Variants in NOTCH2 observed in about 807,000 individuals in gnomAD.
NOTCH2 encodes the protein neurogenic locus notch homolog protein 2.
Under a neutral mutation model 235.8 loss-of-function variants are expected in NOTCH2, and 29 were observed. That is an observed-to-expected ratio of 0.12 (90% confidence interval 0.09 to 0.17). NOTCH2 has a LOEUF of 0.17. NOTCH2 is among the 10% of genes least tolerant of loss of function. The pLI is 1.00. For synonymous variants in NOTCH2, 1,086 were observed against 1,141.5 expected (o/e 0.95, Z 0.98); for missense variants, 2,285 against 3,150.2 (o/e 0.73, Z 6.57).
chr1:119,980,842 G>A (rs951191709), intron 5 of NOTCH2, among the ~76,000 whole-genome samples: 4 of 152,128 alleles, frequency 2.6e-5, no homozygotes, highest in Non-Finnish European at 5.9e-5. Context: ...TTGAGTTCAG[G>A]GCAAGCTTCT....
intron 5 of NOTCH2, among the ~76,000 whole-genome samples, chr1:119,978,204 A>G (rs1221927831): frequency 6.6e-6 from 1 of 152,116 alleles, no homozygotes; most frequent in Non-Finnish European, 1.5e-5. Context: ...GGCAGAAAGC[A>G]TAGGCTTGAG....
intron 1 of NOTCH2, among the ~76,000 whole-genome samples, chr1:120,037,678 A>C (rs1354189751): frequency 1.3e-5 from 2 of 151,988 alleles, no homozygotes; most frequent in African/African-American, 4.8e-5. Flanking sequence ...AAAAGGAAAA[A>C]AAAAAACAAA....
chr1:119,926,729 G>C (rs1361962858), intron 23 of NOTCH2, 118 bp from the exon 24 acceptor site: 2 of 779,176 alleles, frequency 2.6e-6, no homozygotes, highest in East Asian at 5.4e-5. Flanking sequence ...AGAGAGTTCA[G>C]TTCTAGGCCT....
rs587735271 is a variant in NOTCH2 at position 120,011,378 on chromosome 1, C to A, written c.156-5790G>T. ...AGCCTTCTGCTTCTCTTACACGTAGCCCTTCAAGAATCTGAAGACAGTTAT... is the reference window on the plus strand; with the variant it reads ...AGCCTTCTGCTTCTCTTACACGTAGACCTTCAAGAATCTGAAGACAGTTAT... On this transcript the variant is annotated intron_variant, in intron 2 of 33. Coordinates refer to ENST00000256646, the MANE Select transcript of NOTCH2 (RefSeq NM_024408.4). Among the ~76,000 whole-genome samples, 433 of 152,278 alleles carry A rather than the reference C, an allele frequency of 2.8e-3. 1 individual carries two copies. Among genetic ancestry groups the A allele is most frequent in the African/African-American group, 0.01 (417 of 41,554 alleles).
Position 119,922,593 on chromosome 1 carries a change from C to A in NOTCH2, c.5002+43G>T, listed in dbSNP as rs749464354. The A allele has an allele frequency of 4.2e-5, 67 of 1,613,090 alleles. No individual in the cohort carries two copies. The Middle Eastern group carries it at 4.9e-4, about 12-fold the overall frequency. On this transcript the variant is annotated intron_variant, in intron 27 of 33. Transcript: ENST00000256646. ...ATGAAAATTGTTCCCCCAATTGACACTCTTCCCCCGCCACCTTTCCCCTTT... is the reference window on the plus strand; with the variant it reads ...ATGAAAATTGTTCCCCCAATTGACAATCTTCCCCCGCCACCTTTCCCCTTT...
chr1:120,006,657 C>T (rs1264648846), intron 2 of NOTCH2, among the ~76,000 whole-genome samples: 3 of 148,384 alleles, frequency 2.0e-5, no homozygotes, highest in Admixed American at 6.9e-5. Flanking sequence ...ACTTATTCCT[C>T]GTTTTAGTTT....
chr1:120,002,500 A>G (rs1652801862), intron 3 of NOTCH2, among the ~76,000 whole-genome samples: 1 of 151,832 alleles, frequency 6.6e-6, no homozygotes, highest in African/African-American at 2.4e-5. Context: ...TCCCACCTGG[A>G]TGAATGAAGG....
At chr1:119,923,357 G>A (rs1013983711) in intron 26 of NOTCH2, among the ~76,000 whole-genome samples, 1 of 152,154 alleles carries the variant, frequency 6.6e-6, no homozygotes. Flanking sequence ...CACTAATAAA[G>A]GGATTTGAGG....
In NOTCH2 at chr1:119,919,580, C is replaced by T. The variant is rs1416097171; in HGVS notation, c.5513G>A (p.Arg1838Gln). Residue 1838 changes from arginine to glutamine, a missense_variant, in exon 31 of 34, where the codon CGA becomes CAA. This residue lies in a region of NOTCH2 where 1,173 missense variants were observed against 1,515.3 expected (regional missense o/e 0.77). Coordinates refer to ENST00000256646, the MANE Select transcript of NOTCH2 (RefSeq NM_024408.4). ...ATCACTCAAATCTGAGCTGCCTCCT[C>T]GGAGAGAAGCCAACATCAATGGGGT... ...GCTPLMLASL[R>Q]GGSSDLSDED... is the part of the protein sequence containing the mutation. The T allele has an allele frequency of 3.1e-6, 5 of 1,613,960 alleles. No individual in the cohort carries two copies. The highest frequency in any genetic ancestry group is 1.3e-5 in the African/African-American group (1 of 74,902).
chr1:120,029,697 T>A (rs1299185917), intron 2 of NOTCH2, among the ~76,000 whole-genome samples: 20 of 148,008 alleles, frequency 1.4e-4, no homozygotes, highest in African/African-American at 4.5e-4. Context: ...TTTTTCATAG[T>A]GAGAAAGATA....
intron 13 of NOTCH2, 70 bp downstream of exon 13, chr1:119,954,970 T>C: frequency 6.6e-7 from 1 of 1,509,652 alleles, no homozygotes; most frequent in Non-Finnish European, 9.2e-7. Flanking sequence ...CTTCAGGCTG[T>C]CACCAGTACT....
At chr1:120,037,637 T>G (rs1173946106) in intron 1 of NOTCH2, among the ~76,000 whole-genome samples, 2 of 151,424 alleles carry the variant, frequency 1.3e-5, no homozygotes, top group African/African-American at 4.8e-5. Context: ...TGGAGAAACA[T>G]CTGTCTTCCT....
intron 2 of NOTCH2, among the ~76,000 whole-genome samples, chr1:120,015,218 C>T (rs1653389491): frequency 6.6e-6 from 1 of 152,144 alleles, no homozygotes; most frequent in African/African-American, 2.4e-5. Flanking sequence ...CATTAAAGCT[C>T]CTCTTTACTC....
rs1176631389 is a variant in NOTCH2 at position 119,912,958 on chromosome 1, T to A, written c.*2348A>T. On this transcript the variant is annotated 3_prime_UTR_variant, in exon 34 of 34. Coordinates refer to ENST00000256646, the MANE Select transcript of NOTCH2 (RefSeq NM_024408.4). Reference sequence around the variant, plus strand: ...AGAAAAAGAAACAAGCAATTTGGTCTGACATTGTGCTTAAGGAAAAGGGAG... The same window carrying A: ...AGAAAAAGAAACAAGCAATTTGGTCAGACATTGTGCTTAAGGAAAAGGGAG... The A allele has an allele frequency of 8.6e-6, 2 of 233,474 alleles. No individual in the cohort carries two copies. The highest frequency in any genetic ancestry group is 4.4e-5 in the African/African-American group (2 of 45,344). The allele number at this position is 233,474 out of a possible 1,614,324, so 14.5% of individuals were successfully genotyped here.
chr1:120,069,101 A>C lies in NOTCH2; in HGVS notation c.73+233T>G, dbSNP rs2794167. 6.3e-6 allele frequency: 9 copies of C among 1,434,910 alleles called. No homozygotes were observed. In the Admixed American group the frequency reaches 1.9e-4, roughly 30 times the overall value. The allele number at this position is 1,434,910 out of a possible 1,614,324, so 88.9% of individuals were successfully genotyped here. On this transcript the variant is annotated intron_variant, in intron 1 of 33. Transcript: ENST00000256646. ...CCTCCCTCCTGCCGAGGAGGCGTGT[A>C]AGGGGTCCCGGGCCGCGGGGAGCAG...
intron 22 of NOTCH2, among the ~76,000 whole-genome samples, chr1:119,929,680 A>G: frequency 6.6e-6 from 1 of 152,282 alleles, no homozygotes; most frequent in Non-Finnish European, 1.5e-5. Flanking sequence ...GCTGAAGCTG[A>G]CAAATTCCTG....
In NOTCH2 at chr1:119,969,682, C is replaced by G; in HGVS notation, c.937G>C (p.Gly313Arg). The change falls in exon 6 of 34, where the codon GGC becomes CGC. Residue 313 changes from glycine (G) to arginine (R), a missense_variant. Gly to Arg is a moderately radical substitution (Grantham distance 125, BLOSUM62 -2). Around this residue, in one of 6 missense-constraint regions of NOTCH2, gnomAD observed 431 missense variants for 757.8 expected, o/e 0.57. Coordinates refer to ENST00000256646, the MANE Select transcript of NOTCH2 (RefSeq NM_024408.4). ...CCTCCATTGCGGTTGGCACAGGTGC[C>G]CCCATTTTGACAGGCATTGGGCTGC... ...LLQPNACQNG[G>R]TCANRNGGYG... The G allele has an allele frequency of 6.2e-7, 1 of 1,614,142 alleles. No individual in the cohort carries two copies. The highest frequency in any genetic ancestry group is 8.5e-7 in the Non-Finnish European group (1 of 1,179,990).
intron 5 of NOTCH2, among the ~76,000 whole-genome samples, chr1:119,983,972 C>G (rs1248807477): frequency 1.3e-5 from 2 of 152,176 alleles, no homozygotes; most frequent in Non-Finnish European, 2.9e-5. Flanking sequence ...CCTCACTACT[C>G]CAACCCCTCC....
At chr1:120,023,265 G>C (rs587750108) in intron 2 of NOTCH2, among the ~76,000 whole-genome samples, 2 of 150,808 alleles carry the variant, frequency 1.3e-5, no homozygotes, top group East Asian at 3.9e-4. Flanking sequence ...GTGAAACCCC[G>C]TCTCTACTAA....
Sources: gnomAD v4.1 joint callset for allele counts (sites outside exome capture counted in the v4.1 genomes callset) on GRCh38, gnomAD v4.1.1 for gene constraint, gnomAD v4.1.1 regional missense constraint, MANE v1.5 for transcripts, NCBI Gene and HGNC (gene_info 2026-07-23, HGNC 2026-07-21) for gene names.